Variants in PCYT1B observed in about 807,000 individuals in gnomAD.
PCYT1B encodes phosphate cytidylyltransferase 1B, choline.
A neutral mutation model predicts 26.4 loss-of-function variants in PCYT1B; 10 were observed. That is an observed-to-expected ratio of 0.38 (90% CI 0.23 to 0.64). The LOEUF (loss-of-function observed/expected upper bound fraction) is 0.64, where lower values mean the gene tolerates loss of function less well. Ranked by LOEUF, PCYT1B falls within the 30% of genes least tolerant of loss-of-function variation. PCYT1B has a pLI of 0.56. For synonymous variants in PCYT1B, 131 were observed against 108.4 expected (o/e 1.21, Z -1.29); for missense variants, 161 against 292.7 (o/e 0.55, Z 3.28).
upstream of PCYT1B, among the ~76,000 whole-genome samples, chrX:24,648,151 C>A (rs1361031409): frequency 8.9e-6 from 1 of 111,807 alleles, no homozygotes; most frequent in East Asian, 2.8e-4. Flanking sequence ...GGAATGTTAA[C>A]GATCAGGTGC....
intron 2 of PCYT1B, among the ~76,000 whole-genome samples, chrX:24,611,851 T>C (rs1039166134): frequency 3.6e-5 from 4 of 110,433 alleles, no homozygotes; most frequent in Non-Finnish European, 7.6e-5. Flanking sequence ...CGGACGCTTA[T>C]AATCCCAGCT....
chrX:24,623,051 A>G (rs182038686), intron 1 of PCYT1B, among the ~76,000 whole-genome samples: 2 of 111,346 alleles, frequency 1.8e-5, no homozygotes, highest in East Asian at 5.6e-4. Flanking sequence ...GTTTAATATG[A>G]TGCTAGGGGT....
chrX:24,609,764 G>A lies in PCYT1B; in HGVS notation c.218-1903C>T, dbSNP rs147157180. ...GGTGAAGAAGGTGGAGAAAGGGACC[G>A]CTAGTTTTCTTTATAAGCTGGGAGT... On this transcript the variant is annotated intron_variant, in intron 2 of 7. Coordinates refer to ENST00000379144, the MANE Select transcript of PCYT1B (RefSeq NM_004845.5). 1.9e-3 allele frequency among the ~76,000 whole-genome samples: 212 copies of A among 111,350 alleles called. 1 individual carries two copies. Among genetic ancestry groups the A allele is most frequent in the African/African-American group, 6.8e-3 (208 of 30,704 alleles).
At chrX:24,603,640 T>C (rs1925034235) in intron 3 of PCYT1B, among the ~76,000 whole-genome samples, 1 of 110,066 alleles carries the variant, frequency 9.1e-6, no homozygotes, top group Non-Finnish European at 1.9e-5. Flanking sequence ...GGAGGATCAC[T>C]TGAGCCCGGG....
At chrX:24,624,313 G>T (rs1925821026) in intron 1 of PCYT1B, among the ~76,000 whole-genome samples, 1 of 111,690 alleles carries the variant, frequency 9.0e-6, no homozygotes, top group Admixed American at 9.5e-5. Context: ...CCGTCAGACA[G>T]GCCTGAGTTC....
intron 2 of PCYT1B, 86 bp from the exon 3 acceptor site, chrX:24,607,947 T>A: frequency 2.0e-6 from 1 of 498,742 alleles, no homozygotes; most frequent in Non-Finnish European, 3.5e-6. Context: ...ACTTTCTGGA[T>A]AAGACACAAT....
chrX:24,611,596 G>A (rs929906593), intron 2 of PCYT1B, among the ~76,000 whole-genome samples: 1 of 111,713 alleles, frequency 9.0e-6, no homozygotes, highest in African/African-American at 3.3e-5. Context: ...CTTGAAGTGC[G>A]TGTGGGACCT....
chrX:24,626,403 C>T (rs941033178), intron 1 of PCYT1B, among the ~76,000 whole-genome samples: 1 of 111,691 alleles, frequency 9.0e-6, no homozygotes, highest in African/African-American at 3.2e-5. Context: ...TTGGGGTTAC[C>T]TCTTGGGAAG....
chrX:24,652,030 G>A (rs1333331381), upstream of PCYT1B, among the ~76,000 whole-genome samples: 1 of 111,508 alleles, frequency 9.0e-6, no homozygotes, highest in East Asian at 2.8e-4. Flanking sequence ...AGCAGAGGCA[G>A]AGGAAACATG....
At chrX:24,567,583 T>C (rs938767476) in intron 7 of PCYT1B, among the ~76,000 whole-genome samples, 1 of 112,323 alleles carries the variant, frequency 8.9e-6, no homozygotes, top group Non-Finnish European at 1.9e-5. Flanking sequence ...CTCAAGAAAA[T>C]AATCCCATTT....
chrX:24,672,436 G>A (rs1927274536), intron 1 of PCYT1B: 1 of 451,945 alleles, frequency 2.2e-6, no homozygotes, highest in Non-Finnish European at 3.7e-6. Flanking sequence ...AGACGGAGAA[G>A]ATAATGTTTC....
intron 1 of PCYT1B, among the ~76,000 whole-genome samples, chrX:24,629,581 AAAAAAAAAAC>A (rs1169706863): frequency 1.4e-4 from 14 of 99,831 alleles, no homozygotes; most frequent in Middle Eastern, 4.9e-3. Flanking sequence ...AAAAAAAAAA[AAAAAAAAAAC>A]AACACGTATT....
chrX:24,608,070 A>G (rs947644447), intron 2 of PCYT1B, among the ~76,000 whole-genome samples: 2 of 111,845 alleles, frequency 1.8e-5, no homozygotes, highest in African/African-American at 6.5e-5. Context: ...ACCAGGGAAC[A>G]CACTATTTTA....
chrX:24,613,949 TC>T (rs1925391024), intron 2 of PCYT1B, among the ~76,000 whole-genome samples: 1 of 16,099 alleles, frequency 6.2e-5, no homozygotes. Context: ...CAACAACCTG[TC>T]AAAAAAAAAA....
intron 1 of PCYT1B, among the ~76,000 whole-genome samples, chrX:24,637,525 G>A (rs1255395798): frequency 2.7e-5 from 2 of 74,708 alleles, no homozygotes; most frequent in Non-Finnish European, 4.5e-5. Context: ...TTAGCTGAGC[G>A]TGGTGGCGTG....
intron 5 of PCYT1B, among the ~76,000 whole-genome samples, chrX:24,583,575 G>A (rs1003971695): frequency 1.8e-5 from 2 of 112,270 alleles, no homozygotes; most frequent in African/African-American, 6.5e-5. Context: ...TTAGAAAAAT[G>A]TTGGACTTGT....
chrX:24,567,816 G>T (rs1300328007), intron 7 of PCYT1B, among the ~76,000 whole-genome samples: 2 of 110,576 alleles, frequency 1.8e-5, no homozygotes, highest in Non-Finnish European at 3.8e-5. Context: ...GGGCATGGTG[G>T]CGGGTGTCTG....
At chrX:24,607,908 T>G in intron 2 of PCYT1B, 47 bp from the exon 3 acceptor site, 4,749 of 543,395 alleles carry the variant, frequency 8.7e-3, no homozygotes, top group Non-Finnish European at 0.014. Context: ...GAATGAGGAA[T>G]CCCAGTTACC....
At position 24,558,829 on chromosome X, in the gene PCYT1B, CT is replaced by C. The variant is rs770779408; in HGVS notation, c.*3463del. Reference sequence around the variant, plus strand: ...TGACTTATGGCACAGCAATCCCACCCTTGTTTCTTAGCTGGTGGAGGGGTGA... The same window carrying C: ...TGACTTATGGCACAGCAATCCCACCCTGTTTCTTAGCTGGTGGAGGGGTGA... On this transcript the variant is annotated 3_prime_UTR_variant, in exon 8 of 8. Transcript: ENST00000379144. 5 of 110,137 alleles carry C rather than the reference CT, an allele frequency of 4.5e-5. No individual in the cohort carries two copies. The highest frequency in any genetic ancestry group is 4.7e-3 in the Middle Eastern group (1 of 214). The allele number at this position is 110,137 out of a possible 1,213,427, so 9.1% of individuals were successfully genotyped here.
Sources: gnomAD v4.1 joint callset for allele counts (sites outside exome capture counted in the v4.1 genomes callset) on GRCh38, gnomAD v4.1.1 for gene constraint, MANE v1.5 for transcripts, NCBI Gene and HGNC (gene_info 2026-07-23, HGNC 2026-07-21) for gene names.